Variants in FA2H observed in about 807,000 individuals in gnomAD.
The protein encoded by FA2H is fatty acid 2-hydroxylase, also known as fatty acid alpha-hydroxylase.
Under a neutral mutation model 44.9 loss-of-function variants are expected in FA2H, and 22 were observed. The ratio of observed to expected loss-of-function variants is 0.49; its 90% CI spans 0.35 to 0.70. The LOEUF is 0.70. Ranked by LOEUF, FA2H falls within the 30% of genes least tolerant of loss-of-function variation. The pLI, the probability that FA2H is intolerant of heterozygous loss-of-function variation, is 0.01. For missense variants in FA2H, 501 were observed against 504.9 expected (o/e 0.99, Z 0.07); for synonymous variants, 243 against 213.2 (o/e 1.14, Z -1.22).
At chr16:74,754,165 G>A (rs1340282703) in intron 1 of FA2H, among the ~76,000 whole-genome samples, 2 of 152,254 alleles carry the variant, frequency 1.3e-5, no homozygotes, top group Admixed American at 1.3e-4. Context: ...GGAGGCCAAG[G>A]TGAGTGGATC....
At chr16:74,725,233 G>A (rs569644218) in intron 4 of FA2H, among the ~76,000 whole-genome samples, 103 of 152,310 alleles carry the variant, frequency 6.8e-4, no homozygotes, top group African/African-American at 2.2e-3. Context: ...TCCTGATGCC[G>A]TGACCATGGC....
intron 1 of FA2H, among the ~76,000 whole-genome samples, chr16:74,759,998 G>A (rs1020288004): frequency 6.6e-6 from 1 of 152,218 alleles, no homozygotes; most frequent in African/African-American, 2.4e-5. Flanking sequence ...AAAGGGACAA[G>A]AACCTTAGCT....
chr16:74,722,545 A>T (rs1427278666), intron 4 of FA2H, among the ~76,000 whole-genome samples: 1 of 152,022 alleles, frequency 6.6e-6, no homozygotes, highest in Non-Finnish European at 1.5e-5. Flanking sequence ...CAAAAAGAAA[A>T]AAAGAAAAGA....
intron 1 of FA2H, among the ~76,000 whole-genome samples, chr16:74,751,476 A>G (rs1382509294): frequency 6.6e-6 from 1 of 152,016 alleles, no homozygotes; most frequent in Non-Finnish European, 1.5e-5. Context: ...TGGTGGGTAT[A>G]GCCTCCATTC....
At chr16:74,757,495 T>C (rs867371010) in intron 1 of FA2H, among the ~76,000 whole-genome samples, 3 of 152,296 alleles carry the variant, frequency 2.0e-5, no homozygotes, top group South Asian at 4.1e-4. Flanking sequence ...CAGGACTCTG[T>C]ATTATGGTTG....
chr16:74,724,753 C>T (rs947377083), intron 4 of FA2H, among the ~76,000 whole-genome samples: 1 of 152,148 alleles, frequency 6.6e-6, no homozygotes, highest in African/African-American at 2.4e-5. Flanking sequence ...TAGCTCTCTG[C>T]CAAGGCCGTG....
chr16:74,729,720 C>T (rs1208525042), intron 2 of FA2H, among the ~76,000 whole-genome samples: 1 of 152,206 alleles, frequency 6.6e-6, no homozygotes, highest in East Asian at 1.9e-4. Context: ...CCATTAGAGC[C>T]TGGCTGTGCC....
intron 2 of FA2H, among the ~76,000 whole-genome samples, chr16:74,739,435 G>A (rs918856059): frequency 2.6e-5 from 4 of 152,026 alleles, no homozygotes; most frequent in African/African-American, 4.8e-5. Flanking sequence ...CACCGTGACC[G>A]CTCAGCTCCT....
chr16:74,727,148 T>C, intron 3 of FA2H, 96 bp downstream of exon 3: 2 of 1,506,516 alleles, frequency 1.3e-6, no homozygotes, highest in Non-Finnish European at 1.8e-6. Context: ...AGACCTGGGC[T>C]CTGGGGAGGG....
chr16:74,728,780 C>CT (rs935652907), intron 2 of FA2H, among the ~76,000 whole-genome samples: 2,611 of 113,946 alleles, frequency 0.023, 121 homozygotes, highest in African/African-American at 0.049. Flanking sequence ...TTATCTCTTT[C>CT]TTTTTTTTTT....
At chr16:74,748,852 C>T (rs1414692812) in intron 1 of FA2H, among the ~76,000 whole-genome samples, 1 of 152,204 alleles carries the variant, frequency 6.6e-6, no homozygotes, top group African/African-American at 2.4e-5. Context: ...GGACAGATGG[C>T]CTTTTATCCC....
chr16:74,721,306 T>C (rs1419726523), intron 4 of FA2H, among the ~76,000 whole-genome samples: 1 of 152,066 alleles, frequency 6.6e-6, no homozygotes, highest in East Asian at 1.9e-4. Flanking sequence ...TAGCTGGGAT[T>C]ATAGGTGTGC....
At chr16:74,740,687 A>G (rs1962278916) in intron 1 of FA2H, among the ~76,000 whole-genome samples, 1 of 151,130 alleles carries the variant, frequency 6.6e-6, no homozygotes, top group African/African-American at 2.4e-5. Flanking sequence ...TGCATAAATA[A>G]AAGAGGCAGA....
At position 74,738,864 on chromosome 16, in the gene FA2H, G is replaced by A. The variant is rs2240254; in HGVS notation, c.363+1159C>T. Among the ~76,000 whole-genome samples, 13 of 152,382 alleles carry A rather than the reference G, an allele frequency of 8.5e-5. No individual in the cohort carries two copies. In the East Asian group the frequency reaches 2.5e-3, roughly 29 times the overall value. Reference sequence around the variant, plus strand: ...TGCATGGCCGGGCAGCCTTTCCTCTGGCTGGCCTCCATCTTGCCCTGGGTT... The same window carrying A: ...TGCATGGCCGGGCAGCCTTTCCTCTAGCTGGCCTCCATCTTGCCCTGGGTT... On this transcript the variant is annotated intron_variant, in intron 2 of 6. Coordinates refer to ENST00000219368, the MANE Select transcript of FA2H (RefSeq NM_024306.5).
At chr16:74,725,284 G>A (rs999336468) in intron 4 of FA2H, among the ~76,000 whole-genome samples, 1 of 152,224 alleles carries the variant, frequency 6.6e-6, no homozygotes, top group African/African-American at 2.4e-5. Flanking sequence ...CTTGCAGAGT[G>A]CAGGGAAAAG....
In FA2H at chr16:74,720,357, G is replaced by C. The variant is rs151059315; in HGVS notation, c.614-1197C>G. On this transcript the variant is annotated intron_variant, in intron 4 of 6. Coordinates refer to ENST00000219368, the MANE Select transcript of FA2H (RefSeq NM_024306.5). Reference sequence around the variant, plus strand: ...ATTACAGGTGTGTGCCACCACACCTGGCTAATTTTTATATTTTTAGTAGAG... The same window carrying C: ...ATTACAGGTGTGTGCCACCACACCTCGCTAATTTTTATATTTTTAGTAGAG... 3.4e-3 allele frequency among the ~76,000 whole-genome samples: 507 copies of C among 151,158 alleles called. 1 individual carries two copies. Among genetic ancestry groups the C allele is most frequent in the Middle Eastern group, 0.017 (5 of 292 alleles).
chr16:74,760,341 T>C (rs1962685923), intron 1 of FA2H, among the ~76,000 whole-genome samples: 2 of 152,184 alleles, frequency 1.3e-5, no homozygotes, highest in Admixed American at 1.3e-4. Flanking sequence ...AAAGGAAGTA[T>C]TCTCTAGACT....
chr16:74,768,277 A>G (rs779269865), intron 1 of FA2H, among the ~76,000 whole-genome samples: 1 of 152,168 alleles, frequency 6.6e-6, no homozygotes, highest in Non-Finnish European at 1.5e-5. Flanking sequence ...CTGGGTCTCA[A>G]AGCCTCTTTA....
At chr16:74,725,624 A>G (rs1656813110) in intron 4 of FA2H, among the ~76,000 whole-genome samples, 1 of 152,174 alleles carries the variant, frequency 6.6e-6, no homozygotes, top group South Asian at 2.1e-4. Context: ...GGGGATAATG[A>G]CAGGACCCTT....
Sources: gnomAD v4.1 joint callset for allele counts (sites outside exome capture counted in the v4.1 genomes callset) on GRCh38, gnomAD v4.1.1 for gene constraint, MANE v1.5 for transcripts, NCBI Gene and HGNC (gene_info 2026-07-23, HGNC 2026-07-21) for gene names.